VAV2: variants seen among roughly 807,000 people sequenced by gnomAD.
The protein encoded by VAV2 is guanine nucleotide exchange factor VAV2.
VAV2 carries 67 observed loss-of-function variants against 132.5 expected under a neutral mutation model. The observed-to-expected ratio is 0.51, with a 90% CI of 0.42 to 0.62. The LOEUF is 0.62. VAV2 is among the 20% of genes least tolerant of loss of function. The probability of loss-of-function intolerance (pLI) is 0.00; values close to 1 mark genes in which losing one functional copy is unlikely to be tolerated. For missense variants in VAV2, 938 were observed against 1,153.6 expected, an observed-to-expected ratio of 0.81 and a Z score of 2.71; for synonymous variants, 492 against 443.5, an observed-to-expected ratio of 1.11 and a Z score of -1.37.
rs529168360 is a variant in VAV2, at chr9:133,794,275, C to T, written c.1101+1393G>A. ...GGCTTGGGGGCTGCAGAGCTGACAC[C>T]GAGAAAGTTCTGTCAGCCCGTCATG... On this transcript the variant is annotated intron_variant, in intron 12 of 29. Transcript: ENST00000371850. The surrounding 1 kb of genome is among the most constrained non-coding windows in gnomAD (Gnocchi z 4.6). Among the ~76,000 whole-genome samples the T allele has an allele frequency of 1.8e-4, 27 of 152,246 alleles. No homozygotes were observed. The highest frequency in any genetic ancestry group is 6.0e-4 in the African/African-American group (25 of 41,556).
intron 1 of VAV2, among the ~76,000 whole-genome samples, chr9:133,977,046 C>T (rs950911760): frequency 6.6e-6 from 1 of 152,214 alleles, no homozygotes; most frequent in Non-Finnish European, 1.5e-5. Flanking sequence ...AGCGACCACG[C>T]AGCGAGGCTG....
chr9:133,940,284 T>C (rs1426719565), intron 1 of VAV2, among the ~76,000 whole-genome samples: 1 of 151,702 alleles, frequency 6.6e-6, no homozygotes, highest in Non-Finnish European at 1.5e-5. Flanking sequence ...GAGGGGAGGG[T>C]GTGGCACACA....
At chr9:133,923,251 G>A (rs981066189) in intron 2 of VAV2, among the ~76,000 whole-genome samples, 1 of 152,194 alleles carries the variant, frequency 6.6e-6, no homozygotes, top group African/African-American at 2.4e-5. Flanking sequence ...ATGGAAAATG[G>A]TGACGCCACT....
At chr9:133,971,916 A>G (rs1842348226) in intron 1 of VAV2, among the ~76,000 whole-genome samples, 1 of 152,162 alleles carries the variant, frequency 6.6e-6, no homozygotes, top group South Asian at 2.1e-4. Context: ...CAGATCCCCG[A>G]GCCCTTGGTC....
intron 4 of VAV2, among the ~76,000 whole-genome samples, chr9:133,818,893 C>G (rs961194958): frequency 5.3e-5 from 8 of 152,038 alleles, no homozygotes; most frequent in African/African-American, 1.9e-4. Context: ...TACAGGCACT[C>G]ACCATGATGC....
intron 3 of VAV2, among the ~76,000 whole-genome samples, chr9:133,835,277 G>T (rs1440236995): frequency 2.0e-5 from 3 of 152,122 alleles, no homozygotes; most frequent in Non-Finnish European, 4.4e-5. Context: ...TCCATCCTCT[G>T]CAGACAGACA....
Position 133,788,923 on chromosome 9 carries a change from C to T in VAV2, c.1274+335G>A, listed in dbSNP as rs934183423. Among the ~76,000 whole-genome samples the T allele has an allele frequency of 7.2e-5, 11 of 152,238 alleles. No homozygotes were observed. The highest frequency in any genetic ancestry group is 1.5e-4 in the Non-Finnish European group (10 of 68,044). On this transcript the variant is annotated intron_variant, in intron 14 of 29. Coordinates refer to ENST00000371850, the MANE Select transcript of VAV2 (RefSeq NM_001134398.2). This position sits in a 1 kb window ranked among gnomAD's most constrained non-coding sequence, Gnocchi z 5.3. ...CTGGGCCACCGTGCGCCTGGACACT[C>T]TCCGGCAGTCATTTGGCAAAGAGCC...
Position 133,763,106 on chromosome 9 carries a change from C to A in VAV2, c.*956G>T, listed in dbSNP as rs1026848331. On this transcript the variant is annotated 3_prime_UTR_variant, in exon 30 of 30. Transcript: ENST00000371850. The surrounding 1 kb of genome is among the most constrained non-coding windows in gnomAD (Gnocchi z 6.8). ...AAGGAAGCCCTGCCAGGGGCTGGAA[C>A]CAACCTCTCGTGCCAAGGCTGGGCA... The A allele has an allele frequency of 1.3e-5, 2 of 152,624 alleles. No individual in the cohort carries two copies. The highest frequency in any genetic ancestry group is 2.9e-5 in the Non-Finnish European group (2 of 68,102). The allele number at this position is 152,624 out of a possible 1,614,324, so 9.5% of individuals were successfully genotyped here.
Position 133,806,127 on chromosome 9 carries a change from C to A in VAV2, c.790G>T (p.Val264Leu), listed in dbSNP as rs777044584. 6.2e-7 allele frequency: 1 copy of A among 1,612,980 alleles called. No homozygotes were observed. The highest frequency in any genetic ancestry group is 1.3e-5 in the African/African-American group (1 of 74,938). The change falls in exon 9 of 30, where the codon GTG becomes TTG. Residue 264 changes from valine to leucine, a missense_variant. Transcript: ENST00000371850. ...FLRAIDVSVM[V>L]GGSTLAKVFL... ...ACCTTGGCCAGCGTGCTGCCCCCCACCATCACGGACACGTCGATGGCCCTC... is the reference window on the plus strand; with the variant it reads ...ACCTTGGCCAGCGTGCTGCCCCCCAACATCACGGACACGTCGATGGCCCTC...
rs56135466 is a variant in VAV2, at chr9:133,787,396, G to T, written c.1408-136C>A. Reference sequence around the variant, plus strand: ...ACCCCCCAGTGCCCAGGCTGGGGGTGGGGTGATCAGTGGGGAAAGGAATTT... The same window carrying T: ...ACCCCCCAGTGCCCAGGCTGGGGGTTGGGTGATCAGTGGGGAAAGGAATTT... On this transcript the variant is annotated intron_variant, in intron 15 of 29. Transcript: ENST00000371850. 57 of 1,048,274 alleles carry T rather than the reference G, an allele frequency of 5.4e-5. No individual in the cohort carries two copies. The Admixed American group carries it at 1.6e-3, about 29-fold the overall frequency. The allele number at this position is 1,048,274 out of a possible 1,614,324, so 64.9% of individuals were successfully genotyped here.
chr9:133,973,403 C>T (rs967913683), intron 1 of VAV2, among the ~76,000 whole-genome samples: 1 of 152,224 alleles, frequency 6.6e-6, no homozygotes, highest in Non-Finnish European at 1.5e-5. Flanking sequence ...GCCTCCCTCC[C>T]ATGACCCCCG....
Position 133,826,890 on chromosome 9 carries a change from G to A in VAV2, c.449+7382C>T, listed in dbSNP as rs551074023. 9.2e-5 allele frequency among the ~76,000 whole-genome samples: 14 copies of A among 152,274 alleles called. No individual in the cohort carries two copies. In the South Asian group the frequency reaches 1.0e-3, roughly 11 times the overall value. ...TTCACAGACAGGCAAGGGCAACCCT[G>A]CCACAGCGGCACCAGTGTCCTCGCA... On this transcript the variant is annotated intron_variant, in intron 4 of 29. Coordinates refer to ENST00000371850, the MANE Select transcript of VAV2 (RefSeq NM_001134398.2). This position sits in a 1 kb window ranked among gnomAD's most constrained non-coding sequence, Gnocchi z 4.2.
chr9:133,843,353 C>A (rs1836800894), intron 3 of VAV2, among the ~76,000 whole-genome samples: 1 of 152,178 alleles, frequency 6.6e-6, no homozygotes, highest in Non-Finnish European at 1.5e-5. Flanking sequence ...GAGTTCAGAG[C>A]TCTGACTTTG....
intron 9 of VAV2, among the ~76,000 whole-genome samples, chr9:133,800,139 TG>T (rs1233511424): frequency 1.3e-5 from 2 of 152,226 alleles, no homozygotes; most frequent in East Asian, 3.9e-4. Flanking sequence ...GCCCAGTTCC[TG>T]GGGCTGTCCT....
At chr9:133,791,354 G>T (rs1259779272) in intron 13 of VAV2, among the ~76,000 whole-genome samples, 1 of 152,156 alleles carries the variant, frequency 6.6e-6, no homozygotes, top group Non-Finnish European at 1.5e-5. Flanking sequence ...CCCAAACCCT[G>T]TCCATTGCCC....
rs150924742 is a variant in VAV2 at position 133,788,362 on chromosome 9, C to T, written c.1399G>A (p.Val467Ile). ...MTDDPMNNKD[V>I]KKSHGKMWSY... Reference sequence around the variant, plus strand: ...GACCCGGAAGGCCCCACCTTCTTGACGTCCTTGTTGTTCATGGGGTCGTCG... The same window carrying T: ...GACCCGGAAGGCCCCACCTTCTTGATGTCCTTGTTGTTCATGGGGTCGTCG... Residue 467 changes from valine to isoleucine, a missense_variant, in exon 15 of 30, where the codon GTC (valine) becomes ATC (isoleucine). Physicochemically the swap from Val to Ile is conservative, Grantham distance 29. Transcript: ENST00000371850. This position sits in a 1 kb window ranked among gnomAD's most constrained non-coding sequence, Gnocchi z 5.3. The T allele has an allele frequency of 9.3e-6, 15 of 1,605,858 alleles. No individual in the cohort carries two copies. The highest frequency in any genetic ancestry group is 5.0e-5 in the Admixed American group (3 of 59,892).
At chr9:133,839,590 C>T (rs970788125) in intron 3 of VAV2, among the ~76,000 whole-genome samples, 1 of 151,966 alleles carries the variant, frequency 6.6e-6, no homozygotes, top group South Asian at 2.1e-4. Flanking sequence ...GCTGGGATTA[C>T]AGGCGCCCAC....
In VAV2 at chr9:133,926,246, C is replaced by A. The variant is rs574274947; in HGVS notation, c.321+12857G>T. 159 of 152,544 alleles carry A rather than the reference C, an allele frequency of 1.0e-3. No homozygotes were observed. Among genetic ancestry groups the A allele is most frequent in the Non-Finnish European group, 1.7e-3 (117 of 68,242 alleles). 9.4% of individuals were successfully genotyped at this position (152,544 alleles called of 1,614,324 possible). A position where few individuals can be genotyped will look rare whatever the true frequency, so the allele number is the denominator to read the frequency against. ...GAAACAATGGCAGGGCCTGAGCACA[C>A]CTCCTCTGCTCCTAGTGCGTCCTGA... On this transcript the variant is annotated intron_variant, in intron 2 of 29. Coordinates refer to ENST00000371850, the MANE Select transcript of VAV2 (RefSeq NM_001134398.2). This position sits in a 1 kb window ranked among gnomAD's most constrained non-coding sequence, Gnocchi z 4.3.
intron 4 of VAV2, among the ~76,000 whole-genome samples, 184 bp from the exon 5 acceptor site, chr9:133,812,400 G>T (rs1358578396): frequency 6.6e-6 from 1 of 152,242 alleles, no homozygotes; most frequent in African/African-American, 2.4e-5. Flanking sequence ...TGCGAACTGG[G>T]CAGCGTAAGG....
Sources: allele counts gnomAD v4.1 joint callset (sites outside exome capture counted in the v4.1 genomes callset), GRCh38; gene constraint gnomAD v4.1.1; non-coding constraint Gnocchi (gnomAD v3.1); transcripts MANE v1.5; gene names NCBI Gene and HGNC (gene_info 2026-07-23, HGNC 2026-07-21).